RGS4: variants seen among roughly 807,000 people sequenced by gnomAD.
RGS4 encodes regulator of G protein signaling 4, also known as schizophrenia disorder 9.
A neutral mutation model predicts 21.6 loss-of-function variants in RGS4; 15 were observed. That is an observed-to-expected ratio of 0.69 (90% CI 0.46 to 1.07). RGS4 has a LOEUF of 1.07. RGS4 is among the 50% of genes least tolerant of loss of function. The pLI, the probability that RGS4 is intolerant of heterozygous loss-of-function variation, is 0.00. For synonymous variants in RGS4, 94 were observed against 85.5 expected (o/e 1.10, Z -0.55); for missense variants, 237 against 239.0 (o/e 0.99, Z 0.06).
Position 163,071,896 on chromosome 1 carries a change from T to C in RGS4, c.45-499T>C, listed in dbSNP as rs987059613. 7.6e-5 allele frequency: 36 copies of C among 475,980 alleles called. No homozygotes were observed. The African/African-American group carries it at 1.1e-3, about 14-fold the overall frequency. 29.5% of individuals were successfully genotyped at this position (475,980 alleles called of 1,614,324 possible). A position where few individuals can be genotyped will look rare whatever the true frequency, so the allele number is the denominator to read the frequency against. ...CCCAACATACATGGCTGGAACTGAA[T>C]AGACTTTTACTTTCCCGAGGTGCTT... On this transcript the variant is annotated intron_variant, in intron 1 of 4. Coordinates refer to ENST00000367909, the MANE Select transcript of RGS4 (RefSeq NM_005613.6).
chr1:163,070,766 C>T (rs1329109001), intron 1 of RGS4: 1 of 152,152 alleles, frequency 6.6e-6, no homozygotes, highest in Admixed American at 6.6e-5. Flanking sequence ...GAGCTCTGTC[C>T]TCAAAGAGTT....
chr1:163,071,475 C>T (rs1236018443), intron 1 of RGS4, among the ~76,000 whole-genome samples: 1 of 151,986 alleles, frequency 6.6e-6, no homozygotes, highest in Non-Finnish European at 1.5e-5. Flanking sequence ...AAAAGAGATG[C>T]AAGCAAGAGG....
chr1:163,069,618 G>A, intron 1 of RGS4, 90 bp downstream of exon 1: 1 of 1,079,256 alleles, frequency 9.3e-7, no homozygotes, highest in South Asian at 1.5e-5. Context: ...CTAGTTCTGT[G>A]CAATTAGAAA....
At chr1:163,072,675 C>A in intron 2 of RGS4, 130 bp from the exon 3 acceptor site, 1 of 875,052 alleles carries the variant, frequency 1.1e-6, no homozygotes, top group Non-Finnish European at 1.8e-6. Context: ...AAAAACTGCC[C>A]TCATCAATAA....
chr1:163,072,401 A>C lies in RGS4; in HGVS notation c.51A>C (p.Lys17Asn). 6.2e-7 allele frequency: 1 copy of C among 1,611,752 alleles called. No homozygotes were observed. Among genetic ancestry groups the C allele is most frequent in the Non-Finnish European group, 8.5e-7 (1 of 1,178,324 alleles). ...TTTTTTCTCTTCTGTGCAGTGCAAA[A>C]GATATGAAACATCGGCTAGGTTTCC... is the stretch of plus-strand genomic sequence containing the variant. ...GLPASCLRSA[K>N]DMKHRLGFLL... Residue 17 changes from lysine to asparagine, a missense_variant, in exon 2 of 5, where the codon AAA (lysine) becomes AAC (asparagine). Transcript: ENST00000367909.
At chr1:163,074,125 C>T (rs981685623) in intron 4 of RGS4, 196 bp from the exon 5 acceptor site, 2 of 635,602 alleles carry the variant, frequency 3.1e-6, no homozygotes, top group Admixed American at 5.8e-5. Flanking sequence ...TTGCCCTGCT[C>T]TCTCTAAAGC....
Position 163,074,454 on chromosome 1 carries a change from C to G in RGS4, c.512C>G (p.Ser171Cys), listed in dbSNP as rs1655429678. The G allele has an allele frequency of 6.2e-7, 1 of 1,613,804 alleles. No individual in the cohort carries two copies. The highest frequency in any genetic ancestry group is 8.5e-7 in the Non-Finnish European group (1 of 1,179,864). ...EKDSYRRFLKSRFYLDLVNPS... is the reference protein window; with the variant it reads ...EKDSYRRFLKCRFYLDLVNPS... Reference sequence around the variant, plus strand: ...GATTCCTACCGCCGCTTCCTCAAGTCTCGATTCTATCTTGATTTGGTCAAC... The same window carrying G: ...GATTCCTACCGCCGCTTCCTCAAGTGTCGATTCTATCTTGATTTGGTCAAC... The change falls in exon 5 of 5, where the codon TCT becomes TGT. Residue 171 changes from serine to cysteine, a missense_variant. Ser to Cys is a moderately radical substitution (Grantham distance 112, BLOSUM62 -1). Transcript: ENST00000367909.
At chr1:163,072,693 T>C in intron 2 of RGS4, 112 bp from the exon 3 acceptor site, 2 of 989,276 alleles carry the variant, frequency 2.0e-6, no homozygotes, top group Non-Finnish European at 1.5e-6. Flanking sequence ...TAACATATTT[T>C]GTCATAACGA....
chr1:163,073,356 C>T (rs936284227), intron 3 of RGS4, 100 bp from the exon 4 acceptor site: 35 of 965,324 alleles, frequency 3.6e-5, no homozygotes, highest in Non-Finnish European at 4.8e-5. Context: ...TTGCTTGAAT[C>T]CATGCTTTAT....
rs1254901804 is a variant in RGS4, at chr1:163,069,366, G to A, written c.-119G>A. Reference sequence around the variant, plus strand: ...ACCCCTACAGGCTTAGCAGGAAGACGCTCAGAGGATTCTGACAATATCTTT... The same window carrying A: ...ACCCCTACAGGCTTAGCAGGAAGACACTCAGAGGATTCTGACAATATCTTT... On this transcript the variant is annotated 5_prime_UTR_variant, in exon 1 of 5. Transcript: ENST00000367909. 5.1e-6 allele frequency: 8 copies of A among 1,563,668 alleles called. 1 individual carries two copies. The highest frequency in any genetic ancestry group is 1.9e-5 in the Admixed American group (1 of 52,326).
At chr1:163,072,532 A>C in intron 2 of RGS4, 33 bp downstream of exon 2, 1 of 1,401,080 alleles carries the variant, frequency 7.1e-7, no homozygotes, top group South Asian at 1.2e-5. Flanking sequence ...AGATGTACTT[A>C]GTATTAACTA....
chr1:163,074,600 A>G lies in RGS4; in HGVS notation c.*40A>G. ...CAGAGGGATGAAATGCCAAGACTCTATGCTCTGGAAAACCTGAGGCCAAAT... is the reference window on the plus strand; with the variant it reads ...CAGAGGGATGAAATGCCAAGACTCTGTGCTCTGGAAAACCTGAGGCCAAAT... On this transcript the variant is annotated 3_prime_UTR_variant, in exon 5 of 5. Coordinates refer to ENST00000367909, the MANE Select transcript of RGS4 (RefSeq NM_005613.6). The G allele has an allele frequency of 6.2e-7, 1 of 1,613,768 alleles. No individual in the cohort carries two copies. Among genetic ancestry groups the G allele is most frequent in the African/African-American group, 1.3e-5 (1 of 75,014 alleles).
At chr1:163,069,345 C>T, upstream of RGS4, 2 of 1,553,902 alleles carry the variant, frequency 1.3e-6, no homozygotes, top group East Asian at 2.4e-5. Context: ...AAAGAGACCC[C>T]TACAGGCTTA....
At chr1:163,072,964 A>G (rs1655370123) in intron 3 of RGS4, 98 bp downstream of exon 3, 2 of 1,003,854 alleles carry the variant, frequency 2.0e-6, no homozygotes, top group Middle Eastern at 2.1e-4. Context: ...CTTCTTTCTG[A>G]TGTTCAGACT....
rs1471328522 is a variant in RGS4, at chr1:163,075,727, T to C, written c.*1167T>C. The C allele has an allele frequency of 6.6e-6, 1 of 152,150 alleles. No individual in the cohort carries two copies. Among genetic ancestry groups the C allele is most frequent in the Non-Finnish European group, 1.5e-5 (1 of 68,020 alleles). The allele number at this position is 152,150 out of a possible 1,614,324, so 9.4% of individuals were successfully genotyped here. A position where few individuals can be genotyped will look rare whatever the true frequency, so the allele number is the denominator to read the frequency against. Reference sequence around the variant, plus strand: ...GATGAGGCTCCTTAGTTTATTGTGGTTGGTTGTTTTTTCTTTATAATGGCT... The same window carrying C: ...GATGAGGCTCCTTAGTTTATTGTGGCTGGTTGTTTTTTCTTTATAATGGCT... On this transcript the variant is annotated 3_prime_UTR_variant, in exon 5 of 5. Coordinates refer to ENST00000367909, the MANE Select transcript of RGS4 (RefSeq NM_005613.6).
At chr1:163,074,204 T>C (rs1218029152) in intron 4 of RGS4, 117 bp from the exon 5 acceptor site, 7 of 1,376,276 alleles carry the variant, frequency 5.1e-6, no homozygotes, top group Non-Finnish European at 7.0e-6. Flanking sequence ...GTCACTTTTG[T>C]TTTTTGCTTC....
intron 1 of RGS4, among the ~76,000 whole-genome samples, chr1:163,071,620 T>A (rs1217076736): frequency 6.6e-6 from 1 of 152,084 alleles, no homozygotes; most frequent in East Asian, 1.9e-4. Flanking sequence ...GTGATGACTC[T>A]AGCCTGCTTC....
At chr1:163,072,065 A>G in intron 1 of RGS4, 1 of 1,029,692 alleles carries the variant, frequency 9.7e-7, no homozygotes, top group Non-Finnish European at 1.2e-6. Flanking sequence ...GTGTTCAGTG[A>G]TTCAGGTTCT....
intron 1 of RGS4, among the ~76,000 whole-genome samples, chr1:163,071,273 G>A (rs996908870): frequency 2.0e-5 from 3 of 152,066 alleles, no homozygotes; most frequent in African/African-American, 7.2e-5. Flanking sequence ...TACTATTTAA[G>A]GGACAGTCAG....
Sources: gnomAD v4.1 joint callset for allele counts (sites outside exome capture counted in the v4.1 genomes callset) on GRCh38, gnomAD v4.1.1 for gene constraint, MANE v1.5 for transcripts, NCBI Gene and HGNC (gene_info 2026-07-23, HGNC 2026-07-21) for gene names.